Variants in RPAP2 observed in about 807,000 individuals in gnomAD.
RPAP2 encodes RNA polymerase II associated protein 2.
RPAP2 carries 52 observed loss-of-function variants against 73.1 expected under a neutral mutation model. That is an observed-to-expected ratio of 0.71 (90% confidence interval 0.57 to 0.90). RPAP2 has a LOEUF of 0.90. Among genes scored for constraint, RPAP2 ranks in the 40% least tolerant of loss-of-function variants. RPAP2 has a pLI of 0.00. For synonymous variants in RPAP2, 225 were observed against 242.1 expected, an observed-to-expected ratio of 0.93 and a Z score of 0.65; for missense variants, 598 against 701.8, an observed-to-expected ratio of 0.85 and a Z score of 1.67.
chr1:92,338,497 C>T (rs546530376), intron 10 of RPAP2, among the ~76,000 whole-genome samples: 1 of 152,276 alleles, frequency 6.6e-6, no homozygotes, highest in East Asian at 1.9e-4. Flanking sequence ...CAACTGTCTA[C>T]ACTGATGATA....
At chr1:92,356,820 T>C (rs1227179627) in intron 11 of RPAP2, among the ~76,000 whole-genome samples, 1 of 151,684 alleles carries the variant, frequency 6.6e-6, no homozygotes, top group Non-Finnish European at 1.5e-5. Context: ...CCCAGCACTT[T>C]GGGAGGCTAA....
chr1:92,312,866 G>A (rs538949837), intron 6 of RPAP2, among the ~76,000 whole-genome samples: 25 of 150,788 alleles, frequency 1.7e-4, no homozygotes, highest in Non-Finnish European at 2.9e-4. Context: ...CTGTCACCCA[G>A]GCTGGAGTGC....
At position 92,388,873 on chromosome 1, in the gene RPAP2, C is replaced by A. The variant is rs1183418855; in HGVS notation, c.*1862C>A. 6.6e-6 allele frequency: 1 copy of A among 152,296 alleles called. No homozygotes were observed. Among genetic ancestry groups the A allele is most frequent in the Non-Finnish European group, 1.5e-5 (1 of 68,106 alleles). 9.4% of individuals were successfully genotyped at this position (152,296 alleles called of 1,614,324 possible). On this transcript the variant is annotated 3_prime_UTR_variant, in exon 13 of 13. Coordinates refer to ENST00000610020, the MANE Select transcript of RPAP2 (RefSeq NM_024813.3). ...GGCGGTTCTATGCTCACAGTGTAAA[C>A]AAAGCAGCAGGGAAGCTCAAACTGG... is the stretch of plus-strand genomic sequence containing the variant.
intron 11 of RPAP2, among the ~76,000 whole-genome samples, chr1:92,377,431 T>C (rs1250477085): frequency 6.9e-6 from 1 of 145,436 alleles, no homozygotes; most frequent in Non-Finnish European, 1.5e-5. Context: ...GGCAGGATAA[T>C]CGCTTGAACC....
chr1:92,351,309 A>AAAAAAAAAAAAAAC (rs1654201570), intron 11 of RPAP2, among the ~76,000 whole-genome samples: 1 of 136,804 alleles, frequency 7.3e-6, no homozygotes, highest in African/African-American at 3.2e-5. Flanking sequence ...CTGTCTCAAA[A>AAAAAAAAAAAAAAC]AAAAAAAAAA....
intron 6 of RPAP2, among the ~76,000 whole-genome samples, chr1:92,320,099 A>G (rs1652160324): frequency 6.6e-6 from 1 of 152,142 alleles, no homozygotes; most frequent in Non-Finnish European, 1.5e-5. Context: ...TTGTACAGAC[A>G]ATGATGACTC....
At chr1:92,385,173 CAAAAAA>C (rs10708018) in intron 12 of RPAP2, among the ~76,000 whole-genome samples, 1 of 123,010 alleles carries the variant, frequency 8.1e-6, no homozygotes, top group Admixed American at 8.4e-5. Flanking sequence ...GACCCTGTCT[CAAAAAA>C]AAAAAAAAAA....
At chr1:92,309,178 T>C (rs1028337535) in intron 6 of RPAP2, among the ~76,000 whole-genome samples, 1 of 152,092 alleles carries the variant, frequency 6.6e-6, no homozygotes, top group Non-Finnish European at 1.5e-5. Flanking sequence ...GCGTGGTGGC[T>C]TACACCTGTA....
At chr1:92,337,061 T>G (rs1327832023) in intron 10 of RPAP2, among the ~76,000 whole-genome samples, 1 of 152,124 alleles carries the variant, frequency 6.6e-6, no homozygotes, top group Non-Finnish European at 1.5e-5. Flanking sequence ...GGCTTATTAG[T>G]AGAGGTGTAC....
At chr1:92,332,362 A>G (rs943913587) in intron 8 of RPAP2, among the ~76,000 whole-genome samples, 5 of 151,652 alleles carry the variant, frequency 3.3e-5, no homozygotes, top group Non-Finnish European at 7.4e-5. Context: ...CAACCTCATA[A>G]TTTTTCTTTG....
chr1:92,373,739 T>TAAAA (rs59586077), intron 11 of RPAP2, among the ~76,000 whole-genome samples: 49 of 80,544 alleles, frequency 6.1e-4, no homozygotes, highest in Non-Finnish European at 9.8e-4. Context: ...CTACTAAAAA[T>TAAAA]AAAAAAAAAA....
At chr1:92,341,706 A>G (rs949017923) in intron 10 of RPAP2, among the ~76,000 whole-genome samples, 2 of 152,184 alleles carry the variant, frequency 1.3e-5, no homozygotes, top group African/African-American at 4.8e-5. Context: ...GTGCAGTGGC[A>G]TAATCTTGGC....
At chr1:92,357,931 G>A (rs1338607948) in intron 11 of RPAP2, among the ~76,000 whole-genome samples, 6 of 152,122 alleles carry the variant, frequency 3.9e-5, no homozygotes, top group Non-Finnish European at 8.8e-5. Context: ...TCATTTGCTC[G>A]TTTGTTTGTT....
intron 7 of RPAP2, among the ~76,000 whole-genome samples, chr1:92,321,805 T>C (rs1229511549): frequency 6.6e-6 from 1 of 152,188 alleles, no homozygotes; most frequent in Non-Finnish European, 1.5e-5. Flanking sequence ...ATTTTCATTC[T>C]GTAGAATTTT....
At chr1:92,378,184 T>C (rs985811294) in intron 11 of RPAP2, among the ~76,000 whole-genome samples, 14 of 151,524 alleles carry the variant, frequency 9.2e-5, no homozygotes, top group South Asian at 2.1e-4. Flanking sequence ...CCACTTTATT[T>C]ATTCATTCAT....
At position 92,329,854 on chromosome 1, in the gene RPAP2, T is replaced by C. The variant is rs1034936441; in HGVS notation, c.1456-3537T>C. ...AGAATGAGTGACATTAGCGTATGAATTGGTCATGGTCTCATCATAAATCAC... is the reference window on the plus strand; with the variant it reads ...AGAATGAGTGACATTAGCGTATGAACTGGTCATGGTCTCATCATAAATCAC... On this transcript the variant is annotated intron_variant, in intron 8 of 12. Coordinates refer to ENST00000610020, the MANE Select transcript of RPAP2 (RefSeq NM_024813.3). 2.6e-5 allele frequency among the ~76,000 whole-genome samples: 4 copies of C among 152,326 alleles called. No individual in the cohort carries two copies. The East Asian group carries it at 7.7e-4, about 29-fold the overall frequency.
intron 6 of RPAP2, among the ~76,000 whole-genome samples, chr1:92,313,415 T>C (rs1330988566): frequency 6.6e-6 from 1 of 150,450 alleles, no homozygotes; most frequent in East Asian, 2.0e-4. Context: ...GGTACATTGT[T>C]AATAATCAGT....
rs1191908542 is a variant in RPAP2 at position 92,389,727 on chromosome 1, T to G, written c.*2716T>G. ...GACCTGATGGAGCTGAAAACCACAGTACGGGAACTTCGTGAAGCATACACA... is the reference window on the plus strand; with the variant it reads ...GACCTGATGGAGCTGAAAACCACAGGACGGGAACTTCGTGAAGCATACACA... On this transcript the variant is annotated 3_prime_UTR_variant, in exon 13 of 13. Transcript: ENST00000610020. 1 of 152,094 alleles carries G rather than the reference T, an allele frequency of 6.6e-6. No individual in the cohort carries two copies. Among genetic ancestry groups the G allele is most frequent in the Non-Finnish European group, 1.5e-5 (1 of 68,012 alleles). 9.4% of individuals were successfully genotyped at this position (152,094 alleles called of 1,614,324 possible).
intron 11 of RPAP2, among the ~76,000 whole-genome samples, chr1:92,370,741 T>G (rs1186592618): frequency 1.3e-5 from 2 of 152,086 alleles, no homozygotes; most frequent in Non-Finnish European, 2.9e-5. Flanking sequence ...TGGGTCTCAT[T>G]TAATTCTTAA....
Sources: allele counts gnomAD v4.1 joint callset (sites outside exome capture counted in the v4.1 genomes callset), GRCh38; gene constraint gnomAD v4.1.1; transcripts MANE v1.5; gene names NCBI Gene and HGNC (gene_info 2026-07-23, HGNC 2026-07-21).